TMEM268: variants seen among roughly 807,000 people sequenced by gnomAD.
The protein encoded by TMEM268 is transmembrane protein C9orf91.
TMEM268 carries 24 observed loss-of-function variants against 39.1 expected under a neutral mutation model. That is an observed-to-expected ratio of 0.61 (90% CI 0.44 to 0.86). TMEM268 has a LOEUF of 0.86. Among genes scored for constraint, TMEM268 ranks in the 40% least tolerant of loss-of-function variants. The probability of loss-of-function intolerance (pLI) is 0.00; values close to 1 mark genes in which losing one functional copy is unlikely to be tolerated. For missense variants in TMEM268, 409 were observed against 428.6 expected (o/e 0.95, Z 0.40); for synonymous variants, 176 against 173.5 (o/e 1.01, Z -0.12).
At chr9:114,605,241 G>A in the TMEM268 span, among the ~76,000 whole-genome samples, 1 of 152,192 alleles carries the variant, frequency 6.6e-6, no homozygotes, top group African/African-American at 2.4e-5. Context: ...GCAGATCTCA[G>A]AGTGTTTTTC....
Position 114,644,081 on chromosome 9 carries a change from TTA to T in TMEM268, c.*770_*771del, listed in dbSNP as rs1478239390. The T allele has an allele frequency of 6.6e-6, 1 of 152,326 alleles. No individual in the cohort carries two copies. Among genetic ancestry groups the T allele is most frequent in the Non-Finnish European group, 1.5e-5 (1 of 68,046 alleles). The allele number at this position is 152,326 out of a possible 1,614,324, so 9.4% of individuals were successfully genotyped here. A position where few individuals can be genotyped will look rare whatever the true frequency, so the allele number is the denominator to read the frequency against. ...TTATATTACAGATGTAGAACAATGG[TTA>T]TGTTTCCCGACATGAACATTGTCCT... On this transcript the variant is annotated 3_prime_UTR_variant, in exon 9 of 9. Coordinates refer to ENST00000288502, the MANE Select transcript of TMEM268 (RefSeq NM_153045.4).
intron 5 of TMEM268, among the ~76,000 whole-genome samples, chr9:114,629,869 G>T (rs1226374048): frequency 6.6e-6 from 1 of 152,200 alleles, no homozygotes; most frequent in Non-Finnish European, 1.5e-5. Context: ...TCTTTGTTGG[G>T]CTTTGCCACA....
chr9:114,607,888 GA>G (rs1441510719), upstream of TMEM268, among the ~76,000 whole-genome samples: 1 of 152,160 alleles, frequency 6.6e-6, no homozygotes, highest in African/African-American at 2.4e-5. Flanking sequence ...AGAAGTGAGA[GA>G]ACAGGGGGAG....
chr9:114,638,958 A>G (rs549249968), intron 8 of TMEM268, among the ~76,000 whole-genome samples: 1 of 152,314 alleles, frequency 6.6e-6, no homozygotes. Flanking sequence ...ATTATTTAAT[A>G]TCTTGGATAT....
intron 8 of TMEM268, among the ~76,000 whole-genome samples, chr9:114,641,046 T>A (rs1827310041): frequency 6.6e-6 from 1 of 152,146 alleles, no homozygotes; most frequent in Admixed American, 6.6e-5. Flanking sequence ...TGGCTAATTT[T>A]TGTATTTTTA....
the TMEM268 span, among the ~76,000 whole-genome samples, chr9:114,605,258 C>G: frequency 6.6e-6 from 1 of 152,170 alleles, no homozygotes; most frequent in Admixed American, 6.6e-5. Context: ...TTTCTCTTGT[C>G]AACTGATCTC....
chr9:114,631,290 A>AAAAAAAAAAAAAG (rs1564294984), intron 5 of TMEM268, among the ~76,000 whole-genome samples: 4 of 23,860 alleles, frequency 1.7e-4, no homozygotes, highest in Admixed American at 4.0e-4. Context: ...CTCAAAAAAA[A>AAAAAAAAAAAAAG]AAAAAAAAAA....
At chr9:114,628,456 TC>T (rs1376649221) in intron 5 of TMEM268, among the ~76,000 whole-genome samples, 1 of 152,224 alleles carries the variant, frequency 6.6e-6, no homozygotes, top group African/African-American at 2.4e-5. Context: ...GGATTGTTTT[TC>T]TGGAAGCAAG....
At chr9:114,638,861 G>A (rs1846763646) in intron 8 of TMEM268, 135 bp downstream of exon 8, 1 of 562,552 alleles carries the variant, frequency 1.8e-6, no homozygotes. Context: ...TCTAGCTCAG[G>A]AGTTTTCAAT....
At chr9:114,616,004 T>G (rs952974336) in intron 1 of TMEM268, among the ~76,000 whole-genome samples, 1 of 144,804 alleles carries the variant, frequency 6.9e-6, no homozygotes, top group Non-Finnish European at 1.5e-5. Context: ...CTTTTCTTTT[T>G]CTTTTTTCTT....
At chr9:114,621,827 G>T (rs922082501) in intron 2 of TMEM268, among the ~76,000 whole-genome samples, 2 of 152,168 alleles carry the variant, frequency 1.3e-5, no homozygotes, top group African/African-American at 4.8e-5. Context: ...GAGGCTGAGG[G>T]GCTCAAGCTG....
the TMEM268 span, among the ~76,000 whole-genome samples, chr9:114,605,642 C>T: frequency 3.3e-5 from 5 of 152,002 alleles, no homozygotes; most frequent in African/African-American, 1.2e-4. Context: ...AACTTACGGC[C>T]GGGTGCAGTG....
At chr9:114,605,081 C>T in the TMEM268 span, among the ~76,000 whole-genome samples, 1 of 152,336 alleles carries the variant, frequency 6.6e-6, no homozygotes, top group Non-Finnish European at 1.5e-5. Context: ...TAACATTCTG[C>T]ATTTGTTGGT....
intron 5 of TMEM268, among the ~76,000 whole-genome samples, chr9:114,628,674 G>A (rs372695644): frequency 1.7e-4 from 26 of 152,206 alleles, no homozygotes; most frequent in African/African-American, 5.5e-4. Flanking sequence ...CTCCTGTGAC[G>A]GGCAGATGCC....
At chr9:114,606,307 C>T (rs1845364786), upstream of TMEM268, among the ~76,000 whole-genome samples, 1 of 152,154 alleles carries the variant, frequency 6.6e-6, no homozygotes, top group African/African-American at 2.4e-5. Context: ...TTTCTTCTGA[C>T]TTAGGCCCGG....
chr9:114,610,532 A>T (rs931616282), upstream of TMEM268, among the ~76,000 whole-genome samples: 1 of 152,244 alleles, frequency 6.6e-6, no homozygotes, highest in Non-Finnish European at 1.5e-5. Flanking sequence ...GTGTAAACGC[A>T]CACACGCACA....
At chr9:114,634,491 A>G (rs377231802) in intron 6 of TMEM268, among the ~76,000 whole-genome samples, 1 of 152,192 alleles carries the variant, frequency 6.6e-6, no homozygotes, top group African/African-American at 2.4e-5. Flanking sequence ...GGAGATCTGA[A>G]AGTGACTAGT....
At chr9:114,606,011 G>A in the TMEM268 span, among the ~76,000 whole-genome samples, 4 of 151,706 alleles carry the variant, frequency 2.6e-5, no homozygotes, top group Admixed American at 6.6e-5. Flanking sequence ...ATAAGTTTAG[G>A]AGAGAAACAA....
Position 114,644,973 on chromosome 9 carries a change from T to G in TMEM268, c.*1660T>G, listed in dbSNP as rs147946774. On this transcript the variant is annotated 3_prime_UTR_variant, in exon 9 of 9. Coordinates refer to ENST00000288502, the MANE Select transcript of TMEM268 (RefSeq NM_153045.4). ...CACTACTCCTGGATATTTTTTTGTG[T>G]TTTTAGTAGAGATGGGGTTTCGCCA... The G allele has an allele frequency of 0.047, 7,076 of 152,070 alleles. 201 individuals carry two copies. The highest frequency in any genetic ancestry group is 0.11 in the South Asian group (552 of 4,816). 9.4% of individuals were successfully genotyped at this position (152,070 alleles called of 1,614,324 possible).
Sources: gnomAD v4.1 joint callset for allele counts (sites outside exome capture counted in the v4.1 genomes callset) on GRCh38, gnomAD v4.1.1 for gene constraint, MANE v1.5 for transcripts, NCBI Gene and HGNC (gene_info 2026-07-23, HGNC 2026-07-21) for gene names.